ULK1: variants seen among roughly 807,000 people sequenced by gnomAD.
ULK1 encodes serine/threonine-protein kinase ULK1.
Under a neutral mutation model 117.5 loss-of-function variants are expected in ULK1, and 48 were observed. That is an observed-to-expected ratio of 0.41 (90% CI 0.32 to 0.52). ULK1 has a LOEUF of 0.52. Ranked by LOEUF, ULK1 falls within the 20% of genes least tolerant of loss-of-function variation. ULK1 has a pLI of 0.29. For missense variants in ULK1, 1,387 were observed against 1,473.4 expected, an observed-to-expected ratio of 0.94 and a Z score of 0.96; for synonymous variants, 790 against 637.8, an observed-to-expected ratio of 1.24 and a Z score of -3.60.
chr12:131,907,161 A>C (rs1566117562), intron 4 of ULK1, among the ~76,000 whole-genome samples: 1 of 152,160 alleles, frequency 6.6e-6, no homozygotes, highest in Non-Finnish European at 1.5e-5. Context: ...GAGTAATTAC[A>C]GGTGTGTGCC....
Position 131,910,693 on chromosome 12 carries a change from C to A in ULK1, c.860-19C>A, listed in dbSNP as rs775959911. 4 of 1,612,986 alleles carry A rather than the reference C, an allele frequency of 2.5e-6. No individual in the cohort carries two copies. In the Admixed American group the frequency reaches 5.0e-5, roughly 20 times the overall value. ...AGACAGGAGGATGGCCCAGACTGAC[C>A]TATGCATGTTTATCTCAGCCCCACC... On this transcript the variant is annotated intron_variant, in intron 11 of 27. Coordinates refer to ENST00000321867, the MANE Select transcript of ULK1 (RefSeq NM_003565.4).
chr12:131,895,252 C>G (rs1235600967), intron 1 of ULK1, 140 bp downstream of exon 1: 2 of 640,812 alleles, frequency 3.1e-6, no homozygotes, highest in African/African-American at 3.8e-5. Context: ...ACCCCCACCC[C>G]AGGATCCCCA....
At chr12:131,911,904 C>T in intron 12 of ULK1, 38 bp from the exon 13 acceptor site, 1 of 1,612,312 alleles carries the variant, frequency 6.2e-7, no homozygotes, top group Non-Finnish European at 8.5e-7. Context: ...TGTGTAGGTC[C>T]CTGAGACCTG....
In ULK1 at chr12:131,902,616, C is replaced by G. The variant is rs1889131500; in HGVS notation, c.247-4276C>G. Among the ~76,000 whole-genome samples the G allele has an allele frequency of 6.6e-6, 1 of 152,120 alleles. No homozygotes were observed. Reference sequence around the variant, plus strand: ...ATGTGTTGGGACTTTTCAGGGACAGCCCTGTGGAATGGTCAGCAGCCGTTC... The same window carrying G: ...ATGTGTTGGGACTTTTCAGGGACAGGCCTGTGGAATGGTCAGCAGCCGTTC... On this transcript the variant is annotated intron_variant, in intron 3 of 27. Transcript: ENST00000321867. The surrounding 1 kb of genome is among the most constrained non-coding windows in gnomAD (Gnocchi z 6.3).
rs911809976 is a variant in ULK1 at position 131,921,554 on chromosome 12, G to A, written c.*193G>A. ...GAACCAGCACATCTGGAGCCACACA[G>A]CTTGGGGGGTGTCTCCCATCTTTTA... On this transcript the variant is annotated 3_prime_UTR_variant, in exon 28 of 28. Coordinates refer to ENST00000321867, the MANE Select transcript of ULK1 (RefSeq NM_003565.4). The A allele has an allele frequency of 5.2e-6, 4 of 767,830 alleles. No individual in the cohort carries two copies. The highest frequency in any genetic ancestry group is 8.5e-6 in the Non-Finnish European group (4 of 472,990). 47.6% of individuals were successfully genotyped at this position (767,830 alleles called of 1,614,324 possible). A position where few individuals can be genotyped will look rare whatever the true frequency, so the allele number is the denominator to read the frequency against.
intron 3 of ULK1, chr12:131,906,687 G>C: frequency 3.1e-6 from 2 of 637,212 alleles, no homozygotes; most frequent in Non-Finnish European, 5.6e-6. Flanking sequence ...GCCTTGATCA[G>C]ATGGAGACCT....
chr12:131,906,933 C>G lies in ULK1; in HGVS notation c.279+9C>G, dbSNP rs971863725. On this transcript the variant is annotated intron_variant, in intron 4 of 27. Transcript: ENST00000321867. ...TCTACCTGGTTATGGAGGTGAGTGC[C>G]TTGTGGTGCCAGGACAAGTGCAGGC... 4.3e-6 allele frequency: 7 copies of G among 1,614,056 alleles called. No individual in the cohort carries two copies. The highest frequency in any genetic ancestry group is 5.9e-6 in the Non-Finnish European group (7 of 1,180,000).
At chr12:131,898,051 ATTTC>A (rs1856438636) in intron 3 of ULK1, 2 of 152,184 alleles carry the variant, frequency 1.3e-5, no homozygotes, top group African/African-American at 4.8e-5. Context: ...TTGCGGTCCT[ATTTC>A]TTCCTCTGTG....
rs565765108 is a variant in ULK1 at position 131,915,366 on chromosome 12, C to T, written c.1554C>T (p.Ser518=). 47 of 1,612,818 alleles carry T rather than the reference C, an allele frequency of 2.9e-5. No individual in the cohort carries two copies. The African/African-American group carries it at 2.9e-4, about 10-fold the overall frequency. The change falls in exon 18 of 28, where the codon AGC becomes AGT. Residue 518 remains serine, a synonymous_variant. Coordinates refer to ENST00000321867, the MANE Select transcript of ULK1 (RefSeq NM_003565.4). The part of the protein sequence containing the change: ...VGTIPERPGW[S]GTPSPQGAEM... ...CCATCCCTGAGCGGCCAGGCTGGAG[C>T]GGGACGCCCTCCCCACAGGGAGCTG... is the stretch of plus-strand genomic sequence containing the variant.
chr12:131,915,997 A>AC lies in ULK1; in HGVS notation c.1722dup (p.Thr575HisfsTer58). 1 of 1,609,418 alleles carries AC rather than the reference A, an allele frequency of 6.2e-7. No individual in the cohort carries two copies. Among genetic ancestry groups the AC allele is most frequent in the Non-Finnish European group, 8.5e-7 (1 of 1,178,890 alleles). On this transcript the variant is annotated frameshift_variant, in exon 19 of 28. Transcript: ENST00000321867. LOFTEE classifies it high-confidence loss of function. Reference sequence around the variant, plus strand: ...ACGTCGTCCGCCCCAAGCTGCCCAAACCCCCCACGGACCCCCTGGGAGCTG... The same window carrying AC: ...ACGTCGTCCGCCCCAAGCTGCCCAAACCCCCCCACGGACCCCCTGGGAGCTG...
In ULK1 at chr12:131,906,905, C is replaced by G. The variant is rs747550760; in HGVS notation, c.260C>G (p.Ser87Cys). ...TCTGTCTTGCAGGAAATGGCTAATTCTGTCTACCTGGTTATGGAGGTGAGT... is the reference window on the plus strand; with the variant it reads ...TCTGTCTTGCAGGAAATGGCTAATTGTGTCTACCTGGTTATGGAGGTGAGT... ...ALYDFQEMANSVYLVMEYCNG... is the reference protein window; with the variant it reads ...ALYDFQEMANCVYLVMEYCNG... The change falls in exon 4 of 28, where the codon TCT becomes TGT. Residue 87 changes from serine to cysteine, a missense_variant. Coordinates refer to ENST00000321867, the MANE Select transcript of ULK1 (RefSeq NM_003565.4). 12 of 1,614,110 alleles carry G rather than the reference C, an allele frequency of 7.4e-6. No homozygotes were observed. The Admixed American group carries it at 2.0e-4, about 27-fold the overall frequency.
chr12:131,908,810 C>G lies in ULK1; in HGVS notation c.483C>G (p.Val161=). 6.2e-7 allele frequency: 1 copy of G among 1,605,992 alleles called. No homozygotes were observed. Residue 161 remains valine (V), a synonymous_variant, in exon 6 of 28, where the codon GTC becomes GTG. Coordinates refer to ENST00000321867, the MANE Select transcript of ULK1 (RefSeq NM_003565.4). The part of the protein sequence containing the change: ...GRRANPNSIR[V]KIADFGFARY... Reference sequence around the variant, plus strand: ...GCGCCAACCCCAACAGCATCCGCGTCAAGATCGGTCAGCCCGCGGGCAGGC... The same window carrying G: ...GCGCCAACCCCAACAGCATCCGCGTGAAGATCGGTCAGCCCGCGGGCAGGC...
chr12:131,916,374 T>A (rs1408239498), intron 19 of ULK1, 24 bp from the exon 20 acceptor site: 2 of 1,545,502 alleles, frequency 1.3e-6, no homozygotes, highest in South Asian at 2.4e-5. Flanking sequence ...CGGGGCAGTC[T>A]TCACCCCATC....
chr12:131,909,103 G>A (rs780223294), intron 7 of ULK1, 33 bp from the exon 8 acceptor site: 34 of 1,600,794 alleles, frequency 2.1e-5, no homozygotes, highest in African/African-American at 2.7e-5. Context: ...GGCGTGCGGG[G>A]GCCTCACACT....
rs184625703 is a variant in ULK1, at chr12:131,907,331, T to C, written c.280-164T>C. 4.2e-3 allele frequency among the ~76,000 whole-genome samples: 634 copies of C among 152,292 alleles called. 20 individuals carry two copies. Among genetic ancestry groups the C allele is most frequent in the Admixed American group, 0.035 (540 of 15,304 alleles). On this transcript the variant is annotated intron_variant, in intron 4 of 27. Coordinates refer to ENST00000321867, the MANE Select transcript of ULK1 (RefSeq NM_003565.4). ...CTGCCACGCCTGCTGAGTATCACTATTGATGTCTTCCAGCAGGGACTGTGG... is the reference window on the plus strand; with the variant it reads ...CTGCCACGCCTGCTGAGTATCACTACTGATGTCTTCCAGCAGGGACTGTGG...
Position 131,894,982 on chromosome 12 carries a change from G to T in ULK1, c.-20G>T. 9.7e-7 allele frequency: 1 copy of T among 1,026,526 alleles called. No individual in the cohort carries two copies. Among genetic ancestry groups the T allele is most frequent in the Non-Finnish European group, 1.2e-6 (1 of 843,590 alleles). The allele number at this position is 1,026,526 out of a possible 1,614,324, so 63.6% of individuals were successfully genotyped here. A position where few individuals can be genotyped will look rare whatever the true frequency, so the allele number is the denominator to read the frequency against. On this transcript the variant is annotated 5_prime_UTR_variant, in exon 1 of 28. Transcript: ENST00000321867. Reference sequence around the variant, plus strand: ...CTTGGCCCGCCACCCCCCGCCCCGCGCCCCCGGCCCGCCTGCGCCATGGAG... The same window carrying T: ...CTTGGCCCGCCACCCCCCGCCCCGCTCCCCCGGCCCGCCTGCGCCATGGAG...
intron 3 of ULK1, chr12:131,906,568 G>C: frequency 2.7e-6 from 1 of 375,444 alleles, no homozygotes; most frequent in Non-Finnish European, 4.9e-6. Flanking sequence ...AAGCTTCTAT[G>C]GCCTGAGGGT....
intron 13 of ULK1, among the ~76,000 whole-genome samples, chr12:131,912,392 T>C (rs551717687): frequency 2.6e-5 from 4 of 152,148 alleles, no homozygotes; most frequent in East Asian, 1.9e-4. Flanking sequence ...TCCCCCGCCA[T>C]GTACCCCTAC....
At chr12:131,895,302 G>T (rs1350213948) in intron 1 of ULK1, among the ~76,000 whole-genome samples, 190 bp downstream of exon 1, 2 of 55,512 alleles carry the variant, frequency 3.6e-5, no homozygotes, top group Non-Finnish European at 6.7e-5. Flanking sequence ...TCAGACTCCC[G>T]CCCCGAGATC....
Sources: allele counts gnomAD v4.1 joint callset (sites outside exome capture counted in the v4.1 genomes callset), GRCh38; gene constraint gnomAD v4.1.1; non-coding constraint Gnocchi (gnomAD v3.1); transcripts MANE v1.5; gene names NCBI Gene and HGNC (gene_info 2026-07-23, HGNC 2026-07-21).